MUC15: variants seen among roughly 807,000 people sequenced by gnomAD.
MUC15 encodes mucin 15, cell surface associated.
Under a neutral mutation model 24.0 loss-of-function variants are expected in MUC15, and 23 were observed. That is an observed-to-expected ratio of 0.96 (90% CI 0.69 to 1.36). The LOEUF is 1.36. Among genes scored for constraint, MUC15 ranks in the 40% most tolerant of loss-of-function variants. The pLI is 0.00. For missense variants in MUC15, 442 were observed against 428.2 expected (o/e 1.03, Z -0.29); for synonymous variants, 151 against 156.3 (o/e 0.97, Z 0.25).
chr11:26,567,329 T>C (rs1022118553), intron 1 of MUC15, among the ~76,000 whole-genome samples, 190 bp from the exon 2 acceptor site: 2 of 151,918 alleles, frequency 1.3e-5, no homozygotes, highest in African/African-American at 4.8e-5. Context: ...AAAGCCTCCA[T>C]GCTGACTGAG....
chr11:26,559,734 G>T lies in MUC15; in HGVS notation c.*1331C>A, dbSNP rs1227082623. 5 of 1,611,586 alleles carry T rather than the reference G, an allele frequency of 3.1e-6. No homozygotes were observed. Among genetic ancestry groups the T allele is most frequent in the East Asian group, 2.2e-5 (1 of 44,792 alleles). On this transcript the variant is annotated 3_prime_UTR_variant, in exon 5 of 5. Transcript: ENST00000529533. ...TTCTACTCAGGTGACATATTTGTTC[G>T]ATAATGGAGGGACAGTCTTCTTTGC... is the stretch of plus-strand genomic sequence containing the variant.
At chr11:26,567,562 T>A (rs1850640789) in intron 1 of MUC15, among the ~76,000 whole-genome samples, 2 of 152,018 alleles carry the variant, frequency 1.3e-5, no homozygotes, top group Admixed American at 1.3e-4. Context: ...AATATATCTA[T>A]AATATATGTT....
chr11:26,563,344 T>C, intron 3 of MUC15, 79 bp from the exon 4 acceptor site: 1 of 1,365,342 alleles, frequency 7.3e-7, no homozygotes, highest in Non-Finnish European at 9.9e-7. Context: ...ACTTTCCATA[T>C]AACAAAGAAT....
chr11:26,571,607 C>T (rs1178866070), intron 1 of MUC15, among the ~76,000 whole-genome samples: 2 of 151,910 alleles, frequency 1.3e-5, no homozygotes, highest in Non-Finnish European at 2.9e-5. Context: ...AAGCAAAAAC[C>T]TCTAATACTT....
In MUC15 at chr11:26,561,023, T is replaced by A. The variant is rs572465185; in HGVS notation, c.*42A>T. The A allele has an allele frequency of 1.3e-6, 2 of 1,570,522 alleles. 1 individual carries two copies. Among genetic ancestry groups the A allele is most frequent in the South Asian group, 2.3e-5 (2 of 85,958 alleles). ...AGATGAATTTGTCAAAAGGCTAGGA[T>A]GTAGATGACACTTGCTGTTTAACGC... On this transcript the variant is annotated 3_prime_UTR_variant, in exon 5 of 5. Coordinates refer to ENST00000529533, the MANE Select transcript of MUC15 (RefSeq NM_001135091.2).
Position 26,572,227 on chromosome 11 carries a change from A to G in MUC15, c.-232T>C, listed in dbSNP as rs562382081. 2 of 985,500 alleles carry G rather than the reference A, an allele frequency of 2.0e-6. No individual in the cohort carries two copies. Among genetic ancestry groups the G allele is most frequent in the East Asian group, 1.1e-4 (1 of 8,792 alleles). 61.0% of individuals were successfully genotyped at this position (985,500 alleles called of 1,614,324 possible). A position where few individuals can be genotyped will look rare whatever the true frequency, so the allele number is the denominator to read the frequency against. On this transcript the variant is annotated 5_prime_UTR_variant, in exon 1 of 5. Transcript: ENST00000529533. ...ATCTTGCTTGTGTAACAGAGCGCCCAGGAACCTGACTGACCTGCTTCTCAG... is the reference window on the plus strand; with the variant it reads ...ATCTTGCTTGTGTAACAGAGCGCCCGGGAACCTGACTGACCTGCTTCTCAG...
intron 1 of MUC15, among the ~76,000 whole-genome samples, chr11:26,567,860 G>C (rs781605053): frequency 6.6e-5 from 10 of 151,956 alleles, no homozygotes; most frequent in Non-Finnish European, 1.2e-4. Flanking sequence ...CGACATGGAT[G>C]ATTATCACAA....
chr11:26,561,067 A>G lies in MUC15; in HGVS notation c.1084T>C (p.Ter362GlnextTer2), dbSNP rs1197610872. Reference sequence around the variant, plus strand: ...TTAACGCCTTTTTGCTGTTAGTTCTATACAGAAGTACGAAGTGGAGGTATG... The same window carrying G: ...TTAACGCCTTTTTGCTGTTAGTTCTGTACAGAAGTACGAAGTGGAGGTATG... Reference protein sequence around the residue: ...DDIPPLRTSV* With the variant: ...DDIPPLRTSVQ Residue 362 changes from the stop codon to glutamine, a stop_lost, in exon 5 of 5, where the codon TAG becomes CAG. Transcript: ENST00000529533. The G allele has an allele frequency of 6.2e-7, 1 of 1,609,852 alleles. No homozygotes were observed. Among genetic ancestry groups the G allele is most frequent in the Non-Finnish European group, 8.5e-7 (1 of 1,177,800 alleles).
chr11:26,564,722 CACACACACACATATATATATATATATAT>C lies in MUC15; in HGVS notation c.775+415_775+442del, dbSNP rs1478249311. On this transcript the variant is annotated intron_variant, in intron 3 of 4. Transcript: ENST00000529533. Reference sequence around the variant, plus strand: ...ACACACACACACACACACACACACACACACACACACATATATATATATATATATATATATATATATATATATATATATA... The same window carrying C: ...ACACACACACACACACACACACACACATATATATATATATATATATATATA... Among the ~76,000 whole-genome samples the C allele has an allele frequency of 9.6e-3, 643 of 66,820 alleles. 2 individuals are homozygous for C. The highest frequency in any genetic ancestry group is 0.024 in the Middle Eastern group (3 of 124). The allele number at this position is 66,820 out of a possible 152,430, so 43.8% of individuals were successfully genotyped here.
In MUC15 at chr11:26,559,572, T is replaced by G; in HGVS notation, c.*1493A>C. On this transcript the variant is annotated 3_prime_UTR_variant, in exon 5 of 5. Coordinates refer to ENST00000529533, the MANE Select transcript of MUC15 (RefSeq NM_001135091.2). ...TCATGTGAAATTGTTGCAAGACCCA[T>G]GAAAGGAATTCATATATAATATTTC... The G allele has an allele frequency of 1.6e-6, 1 of 611,670 alleles. No homozygotes were observed. The highest frequency in any genetic ancestry group is 2.9e-6 in the Non-Finnish European group (1 of 345,762). 37.9% of individuals were successfully genotyped at this position (611,670 alleles called of 1,614,324 possible).
rs759545694 is a variant in MUC15 at position 26,565,606 on chromosome 11, T to C, written c.334A>G (p.Thr112Ala). ...GCTGATGAGTTACTGGAGAAATCTG[T>C]TATTCCGTGGCTGTTGTTGGGTAGA... ...LNLPNNSHGI[T>A]DFSSNSSAEH... is the part of the protein sequence containing the mutation. Residue 112 changes from threonine to alanine, a missense_variant, in exon 3 of 5, where the codon ACA (threonine) becomes GCA (alanine). Coordinates refer to ENST00000529533, the MANE Select transcript of MUC15 (RefSeq NM_001135091.2). The C allele has an allele frequency of 2.5e-6, 4 of 1,613,162 alleles. No homozygotes were observed. The African/African-American group carries it at 5.3e-5, about 22-fold the overall frequency.
intron 3 of MUC15, among the ~76,000 whole-genome samples, chr11:26,564,708 C>A (rs1284476622): frequency 1.5e-5 from 1 of 68,850 alleles, no homozygotes; most frequent in Non-Finnish European, 2.7e-5. Flanking sequence ...CACACACACA[C>A]ACACACACAC....
chr11:26,561,843 CA>C (rs1202343125), intron 4 of MUC15, among the ~76,000 whole-genome samples: 2 of 151,842 alleles, frequency 1.3e-5, no homozygotes, highest in African/African-American at 4.8e-5. Flanking sequence ...ATTTTCAAAG[CA>C]AAACTGGACA....
At chr11:26,570,639 G>A (rs1346886116) in intron 1 of MUC15, among the ~76,000 whole-genome samples, 1 of 152,024 alleles carries the variant, frequency 6.6e-6, no homozygotes, top group Admixed American at 6.6e-5. Flanking sequence ...ACTATACATT[G>A]GGCTGCCTTT....
At chr11:26,568,884 G>T (rs759935412) in intron 1 of MUC15, among the ~76,000 whole-genome samples, 4 of 151,888 alleles carry the variant, frequency 2.6e-5, no homozygotes, top group Non-Finnish European at 5.9e-5. Context: ...ATTATCTACG[G>T]CATGTGATCT....
chr11:26,564,768 T>C (rs200002214), intron 3 of MUC15, among the ~76,000 whole-genome samples: 3 of 106,768 alleles, frequency 2.8e-5, no homozygotes, highest in Admixed American at 2.2e-4. Flanking sequence ...TATATATATA[T>C]ATATATATAT....
At chr11:26,567,549 G>T (rs866041111) in intron 1 of MUC15, among the ~76,000 whole-genome samples, 1 of 151,898 alleles carries the variant, frequency 6.6e-6, no homozygotes, top group Non-Finnish European at 1.5e-5. Flanking sequence ...GTGGTACAAC[G>T]TAAATATATC....
intron 3 of MUC15, among the ~76,000 whole-genome samples, chr11:26,564,692 T>TATACACACAC (rs1554970707): frequency 1.5e-4 from 6 of 41,134 alleles, no homozygotes; most frequent in Admixed American, 9.4e-4. Context: ...CTCATATATA[T>TATACACACAC]ACACACACAC....
chr11:26,568,273 T>C (rs1205852275), intron 1 of MUC15, among the ~76,000 whole-genome samples: 2 of 152,058 alleles, frequency 1.3e-5, no homozygotes, highest in South Asian at 4.1e-4. Flanking sequence ...TTAATCCCAC[T>C]TTACAGATGA....
Sources: gnomAD v4.1 joint callset for allele counts (sites outside exome capture counted in the v4.1 genomes callset) on GRCh38, gnomAD v4.1.1 for gene constraint, MANE v1.5 for transcripts, NCBI Gene and HGNC (gene_info 2026-07-23, HGNC 2026-07-21) for gene names.